Variants in ZNRF3 observed in about 807,000 individuals in gnomAD.
ZNRF3 encodes the protein E3 ubiquitin-protein ligase ZNRF3.
In ZNRF3, 23 loss-of-function variants were observed where a neutral mutation model predicts 72.5. That is an observed-to-expected ratio of 0.32 (90% CI 0.23 to 0.45). ZNRF3 has a LOEUF of 0.45. ZNRF3 is among the 20% of genes least tolerant of loss of function. ZNRF3 has a pLI of 1.00. For missense variants in ZNRF3, 1,169 were observed against 1,272.1 expected (o/e 0.92, Z 1.23); for synonymous variants, 610 against 545.3 (o/e 1.12, Z -1.65).
intron 2 of ZNRF3, among the ~76,000 whole-genome samples, chr22:29,007,950 T>C (rs1385729041): frequency 2.0e-5 from 3 of 151,908 alleles, no homozygotes; most frequent in Admixed American, 2.0e-4. Context: ...GAGATGGGGT[T>C]TCTCCATGTT....
chr22:28,999,129 C>CCAA (rs939679402), intron 2 of ZNRF3, among the ~76,000 whole-genome samples: 5 of 147,410 alleles, frequency 3.4e-5, no homozygotes, highest in Non-Finnish European at 7.4e-5. Context: ...ACCAGCCTGG[C>CCAA]CAACATGGTG....
chr22:28,994,744 A>G (rs1012590157), intron 2 of ZNRF3, among the ~76,000 whole-genome samples: 24 of 152,134 alleles, frequency 1.6e-4, no homozygotes, highest in African/African-American at 4.8e-4. Context: ...TGTTATGTAT[A>G]TTTTACCACA....
chr22:28,903,575 C>T (rs1219196383), intron 1 of ZNRF3, among the ~76,000 whole-genome samples: 1 of 151,652 alleles, frequency 6.6e-6, no homozygotes, highest in Non-Finnish European at 1.5e-5. Flanking sequence ...TTTTTAAATC[C>T]CCTCCCCATC....
rs1347480552 is a variant in ZNRF3, at chr22:29,054,050, G to A, written c.*428G>A. ...TGCTGCATTAAATGAACCACATCAT[G>A]TGTAGATACTGTTGTCTCCCTGAAG... On this transcript the variant is annotated 3_prime_UTR_variant, in exon 9 of 9. Coordinates refer to ENST00000544604, the MANE Select transcript of ZNRF3 (RefSeq NM_001206998.2). 1 of 154,940 alleles carries A rather than the reference G, an allele frequency of 6.5e-6. No homozygotes were observed. The highest frequency in any genetic ancestry group is 1.9e-4 in the East Asian group (1 of 5,252). 9.6% of individuals were successfully genotyped at this position (154,940 alleles called of 1,614,324 possible). A position where few individuals can be genotyped will look rare whatever the true frequency, so the allele number is the denominator to read the frequency against.
At position 28,938,461 on chromosome 22, in the gene ZNRF3, A is replaced by G. The variant is rs564575417; in HGVS notation, c.301-48615A>G. On this transcript the variant is annotated intron_variant, in intron 1 of 8. Transcript: ENST00000544604. ...TAGCGTATTCTAGGCACTGCCAAGCACTTAGCGTGTATTATCTAACCTAGT... is the reference window on the plus strand; with the variant it reads ...TAGCGTATTCTAGGCACTGCCAAGCGCTTAGCGTGTATTATCTAACCTAGT... 2.6e-5 allele frequency among the ~76,000 whole-genome samples: 4 copies of G among 152,292 alleles called. No homozygotes were observed. In the South Asian group the frequency reaches 8.3e-4, roughly 32 times the overall value.
chr22:29,044,921 T>A, intron 5 of ZNRF3, 31 bp downstream of exon 5: 2 of 1,490,606 alleles, frequency 1.3e-6, no homozygotes, highest in Non-Finnish European at 1.9e-6. Flanking sequence ...CCGTGAGCAG[T>A]AACCCCTCTT....
At chr22:28,990,386 T>C (rs1469229627) in intron 2 of ZNRF3, among the ~76,000 whole-genome samples, 1 of 152,202 alleles carries the variant, frequency 6.6e-6, no homozygotes, top group Non-Finnish European at 1.5e-5. Flanking sequence ...TAGAGTTTGC[T>C]ATTAAGTAAG....
intron 2 of ZNRF3, among the ~76,000 whole-genome samples, chr22:29,036,557 C>A (rs1214265107): frequency 5.3e-5 from 8 of 152,130 alleles, no homozygotes; most frequent in Non-Finnish European, 5.9e-5. Context: ...GACAAATTTG[C>A]CTGTATTGTC....
chr22:28,950,634 T>C (rs1244912716), intron 1 of ZNRF3, among the ~76,000 whole-genome samples: 1 of 152,258 alleles, frequency 6.6e-6, no homozygotes, highest in African/African-American at 2.4e-5. Context: ...AAAAAGACAG[T>C]GGCTCTTTAG....
In ZNRF3 at chr22:29,053,694, A is replaced by G. The variant is rs2037250291; in HGVS notation, c.*72A>G. ...CCAAACTGACTTCTTTCAAAAAACA[A>G]AAACAAAAAATTTTTTTAGCTTTGA... is the stretch of plus-strand genomic sequence containing the variant. On this transcript the variant is annotated 3_prime_UTR_variant, in exon 9 of 9. Coordinates refer to ENST00000544604, the MANE Select transcript of ZNRF3 (RefSeq NM_001206998.2). 2 of 1,490,276 alleles carry G rather than the reference A, an allele frequency of 1.3e-6. No homozygotes were observed. Among genetic ancestry groups the G allele is most frequent in the Non-Finnish European group, 1.8e-6 (2 of 1,100,466 alleles). 92.3% of individuals were successfully genotyped at this position (1,490,276 alleles called of 1,614,324 possible).
intron 4 of ZNRF3, among the ~76,000 whole-genome samples, chr22:29,043,834 A>G (rs1404981435): frequency 1.3e-5 from 2 of 152,122 alleles, no homozygotes; most frequent in Non-Finnish European, 2.9e-5. Flanking sequence ...AAAGGCTTGT[A>G]TTTCCTTCTT....
At chr22:28,918,673 A>G (rs909437702) in intron 1 of ZNRF3, among the ~76,000 whole-genome samples, 1 of 151,992 alleles carries the variant, frequency 6.6e-6, no homozygotes, top group Non-Finnish European at 1.5e-5. Context: ...CTTTGAAGGC[A>G]CTTTTCCCTA....
intron 1 of ZNRF3, among the ~76,000 whole-genome samples, chr22:28,975,359 G>A (rs961327632): frequency 2.6e-5 from 4 of 151,672 alleles, no homozygotes; most frequent in Admixed American, 6.6e-5. Context: ...AAAATTAGCC[G>A]GGAGTGGTGG....
intron 1 of ZNRF3, among the ~76,000 whole-genome samples, chr22:28,914,488 C>T (rs1272397398): frequency 7.3e-6 from 1 of 136,122 alleles, no homozygotes; most frequent in African/African-American, 2.6e-5. Context: ...AGACTGTTGA[C>T]ATAGAGCTTT....
intron 2 of ZNRF3, among the ~76,000 whole-genome samples, chr22:28,999,684 G>C (rs551308556): frequency 6.6e-6 from 1 of 152,166 alleles, no homozygotes; most frequent in African/African-American, 2.4e-5. Flanking sequence ...GCAGTCACTC[G>C]AGTGCGTTGC....
At chr22:28,978,724 T>C (rs981202192) in intron 1 of ZNRF3, among the ~76,000 whole-genome samples, 1 of 140,456 alleles carries the variant, frequency 7.1e-6, no homozygotes, top group Non-Finnish European at 1.6e-5. Context: ...CTGATTGCTA[T>C]TCCCAGAGGC....
rs770905707 is a variant in ZNRF3, at chr22:29,049,426, C to T, written c.1245C>T (p.Tyr415=). The change falls in exon 8 of 9, where the codon TAC becomes TAT. Residue 415 remains tyrosine, a synonymous_variant. Coordinates refer to ENST00000544604, the MANE Select transcript of ZNRF3 (RefSeq NM_001206998.2). This position sits in a 1 kb window ranked among gnomAD's most constrained non-coding sequence, Gnocchi z 5.2. ...QSLYSPQTPA[Y]IRSYPPLHLD... is the part of the protein sequence containing the mutation. ...TCTATTCCCCGCAGACCCCCGCCTACATCCGCAGCTACCCACCCCTCCACC... is the reference window on the plus strand; with the variant it reads ...TCTATTCCCCGCAGACCCCCGCCTATATCCGCAGCTACCCACCCCTCCACC... The T allele has an allele frequency of 4.4e-5, 71 of 1,607,072 alleles. No individual in the cohort carries two copies. The highest frequency in any genetic ancestry group is 5.7e-5 in the Non-Finnish European group (67 of 1,179,436).
chr22:28,919,846 AG>A (rs2123767700), intron 1 of ZNRF3, among the ~76,000 whole-genome samples: 1 of 152,190 alleles, frequency 6.6e-6, no homozygotes, highest in African/African-American at 2.4e-5. Context: ...ATAAGCGATG[AG>A]GGGGTGAAAT....
At chr22:28,949,449 AT>A (rs912406914) in intron 1 of ZNRF3, among the ~76,000 whole-genome samples, 21 of 144,386 alleles carry the variant, frequency 1.5e-4, no homozygotes, top group African/African-American at 4.1e-4. Context: ...ATATTTTTTT[AT>A]TTTTTTTTTA....
Sources: gnomAD v4.1 joint callset for allele counts (sites outside exome capture counted in the v4.1 genomes callset) on GRCh38, gnomAD v4.1.1 for gene constraint, Gnocchi (gnomAD v3.1) non-coding constraint, MANE v1.5 for transcripts, NCBI Gene and HGNC (gene_info 2026-07-23, HGNC 2026-07-21) for gene names.